COL25A1: variants seen among roughly 807,000 people sequenced by gnomAD.
COL25A1 encodes the protein collagen type XXV alpha 1 chain.
A neutral mutation model predicts 128.4 loss-of-function variants in COL25A1; 103 were observed. The ratio of observed to expected loss-of-function variants is 0.80; its 90% CI spans 0.68 to 0.94. The LOEUF (loss-of-function observed/expected upper bound fraction) is 0.94, where lower values mean the gene tolerates loss of function less well. COL25A1 is among the 40% of genes least tolerant of loss of function. The pLI, the probability that COL25A1 is intolerant of heterozygous loss-of-function variation, is 0.00. For missense variants in COL25A1, 745 were observed against 840.0 expected (o/e 0.89, Z 1.40); for synonymous variants, 279 against 277.2 (o/e 1.01, Z -0.06).
intron 8 of COL25A1, among the ~76,000 whole-genome samples, chr4:108,955,918 A>C (rs1750020007): frequency 6.6e-6 from 1 of 152,166 alleles, no homozygotes; most frequent in African/African-American, 2.4e-5. Flanking sequence ...TTACTAATGA[A>C]AACTTTGCAA....
chr4:109,138,561 C>A (rs961058204), intron 3 of COL25A1, among the ~76,000 whole-genome samples: 2 of 152,356 alleles, frequency 1.3e-5, no homozygotes, highest in African/African-American at 4.8e-5. Context: ...GGAATTGCCA[C>A]ACTGTCTTCC....
intron 3 of COL25A1, among the ~76,000 whole-genome samples, chr4:109,173,530 CT>C (rs974094654): frequency 6.6e-6 from 1 of 152,118 alleles, no homozygotes; most frequent in Admixed American, 6.5e-5. Context: ...AAGTTATACT[CT>C]TTTTTTAATA....
At chr4:109,028,070 G>A (rs890352314) in intron 5 of COL25A1, among the ~76,000 whole-genome samples, 1 of 152,080 alleles carries the variant, frequency 6.6e-6, no homozygotes, top group African/African-American at 2.4e-5. Flanking sequence ...TGTAAATAAG[G>A]AAGAAGAAAG....
At chr4:108,884,012 T>A (rs894685838) in intron 19 of COL25A1, among the ~76,000 whole-genome samples, 166 bp downstream of exon 19, 3 of 152,176 alleles carry the variant, frequency 2.0e-5, no homozygotes, top group Admixed American at 6.5e-5. Flanking sequence ...TTTAGAGGTA[T>A]CTGTGCTTAA....
In COL25A1 at chr4:109,205,503, A is replaced by G. The variant is rs79837168; in HGVS notation, c.367+95080T>C. On this transcript the variant is annotated intron_variant, in intron 3 of 37. Transcript: ENST00000399132. ...GAGCAGGTTTCCCACTGCTTCTTTC[A>G]GAGTCCCCACAGATTGGAAAATAAA... Among the ~76,000 whole-genome samples, 1,676 of 152,234 alleles carry G rather than the reference A, an allele frequency of 0.011. 59 individuals carry two copies. The South Asian group carries it at 0.14, about 12-fold the overall frequency.
At chr4:109,216,073 T>C (rs1217341256) in intron 3 of COL25A1, among the ~76,000 whole-genome samples, 1 of 152,084 alleles carries the variant, frequency 6.6e-6, no homozygotes, top group Non-Finnish European at 1.5e-5. Context: ...TTTCCTTGTT[T>C]TATTGATCTT....
intron 8 of COL25A1, among the ~76,000 whole-genome samples, chr4:108,946,882 G>A (rs1173908821): frequency 6.6e-6 from 1 of 152,160 alleles, no homozygotes; most frequent in Non-Finnish European, 1.5e-5. Flanking sequence ...AGAACTAGAG[G>A]AGGGACAAAT....
intron 30 of COL25A1, among the ~76,000 whole-genome samples, chr4:108,843,168 AAAGAGGAAG>A (rs891653811): frequency 7.1e-6 from 1 of 141,216 alleles, no homozygotes; most frequent in Non-Finnish European, 1.6e-5. Flanking sequence ...AAAAAAAAAA[AAAGAGGAAG>A]AAGAAGAAAG....
intron 8 of COL25A1, among the ~76,000 whole-genome samples, chr4:108,961,576 G>GTTCTC (rs1411995871): frequency 6.9e-6 from 1 of 145,364 alleles, no homozygotes; most frequent in Non-Finnish European, 1.5e-5. Context: ...CTCCTGTTCT[G>GTTCTC]TTCTGTTCTG....
chr4:108,936,263 C>A (rs1046314745), intron 11 of COL25A1, among the ~76,000 whole-genome samples: 1 of 152,000 alleles, frequency 6.6e-6, no homozygotes, highest in South Asian at 2.1e-4. Flanking sequence ...AAACAAAAAC[C>A]ATTATAGCAC....
At chr4:108,945,810 A>G (rs1444546524) in intron 8 of COL25A1, among the ~76,000 whole-genome samples, 1 of 152,042 alleles carries the variant, frequency 6.6e-6, no homozygotes, top group African/African-American at 2.4e-5. Context: ...GACTACAGGC[A>G]TGCACCACCA....
At chr4:109,207,848 C>A (rs1216839224) in intron 3 of COL25A1, among the ~76,000 whole-genome samples, 1 of 152,076 alleles carries the variant, frequency 6.6e-6, no homozygotes, top group Non-Finnish European at 1.5e-5. Context: ...TCAATCCTAC[C>A]TACACCATGC....
intron 8 of COL25A1, among the ~76,000 whole-genome samples, chr4:108,971,550 C>T (rs1724441): frequency 0.98 from 149,610 of 152,310 alleles, 73,491 homozygotes; most frequent in East Asian, 1. Flanking sequence ...GGAAAGCTGT[C>T]GAGTTGGGTG....
At chr4:108,972,569 C>G (rs1443269999) in intron 8 of COL25A1, among the ~76,000 whole-genome samples, 1 of 152,196 alleles carries the variant, frequency 6.6e-6, no homozygotes, top group Non-Finnish European at 1.5e-5. Flanking sequence ...TCTTTCACCT[C>G]TACCTTCCAG....
intron 3 of COL25A1, among the ~76,000 whole-genome samples, chr4:109,164,921 T>A (rs751519518): frequency 1.3e-5 from 2 of 152,228 alleles, no homozygotes; most frequent in Non-Finnish European, 2.9e-5. Flanking sequence ...TAAGTCTGGT[T>A]GGATGTCTTG....
intron 33 of COL25A1, among the ~76,000 whole-genome samples, chr4:108,825,642 C>CA (rs1171222339): frequency 6.6e-6 from 1 of 152,028 alleles, no homozygotes; most frequent in African/African-American, 2.4e-5. Context: ...AAGTTAAAAG[C>CA]AAAAATACTG....
At chr4:109,283,143 T>C (rs1317215167) in intron 3 of COL25A1, among the ~76,000 whole-genome samples, 4 of 152,192 alleles carry the variant, frequency 2.6e-5, no homozygotes, top group African/African-American at 9.6e-5. Context: ...TTATATAAAA[T>C]ATAAGTTACT....
chr4:108,825,498 T>G (rs1443794329), intron 33 of COL25A1, among the ~76,000 whole-genome samples: 2 of 152,014 alleles, frequency 1.3e-5, no homozygotes, highest in Non-Finnish European at 2.9e-5. Flanking sequence ...AAGTAAAAAA[T>G]ACTGTTTAGT....
intron 3 of COL25A1, among the ~76,000 whole-genome samples, chr4:109,102,872 C>G (rs961248637): frequency 2.0e-5 from 3 of 152,092 alleles, no homozygotes; most frequent in African/African-American, 7.2e-5. Flanking sequence ...GCTCTTTATC[C>G]AATCTGAAAA....
Sources: gnomAD v4.1 joint callset for allele counts (sites outside exome capture counted in the v4.1 genomes callset) on GRCh38, gnomAD v4.1.1 for gene constraint, MANE v1.5 for transcripts, NCBI Gene and HGNC (gene_info 2026-07-23, HGNC 2026-07-21) for gene names.